Variants in FANCC observed in about 807,000 individuals in gnomAD.
FANCC encodes Fanconi anemia group C protein.
FANCC carries 55 observed loss-of-function variants against 71.3 expected under a neutral mutation model. That is an observed-to-expected ratio of 0.77 (90% CI 0.62 to 0.97). The LOEUF (loss-of-function observed/expected upper bound fraction) is 0.97. Ranked by LOEUF, FANCC falls within the 50% of genes least tolerant of loss-of-function variation. FANCC has a pLI of 0.00. For synonymous variants in FANCC, 275 were observed against 244.9 expected (o/e 1.12, Z -1.15); for missense variants, 678 against 670.9 (o/e 1.01, Z -0.12).
chr9:95,180,481 A>G (rs1246756894), intron 4 of FANCC, among the ~76,000 whole-genome samples: 1 of 151,582 alleles, frequency 6.6e-6, no homozygotes, highest in African/African-American at 2.4e-5. Context: ...CTGAGACTGA[A>G]TAAGCTGAGG....
chr9:95,237,200 C>A (rs1830368433), intron 4 of FANCC, among the ~76,000 whole-genome samples: 1 of 152,054 alleles, frequency 6.6e-6, no homozygotes, highest in African/African-American at 2.4e-5. Context: ...AACTGTTTTC[C>A]CAACCTCGCA....
At chr9:95,304,825 T>C (rs1834981080) in intron 1 of FANCC, among the ~76,000 whole-genome samples, 1 of 151,516 alleles carries the variant, frequency 6.6e-6, no homozygotes. Flanking sequence ...ATGCAGTCTG[T>C]TGTGTCCTTT....
At chr9:95,203,233 C>CA (rs924365371) in intron 4 of FANCC, among the ~76,000 whole-genome samples, 4 of 151,866 alleles carry the variant, frequency 2.6e-5, no homozygotes, top group East Asian at 1.9e-4. Flanking sequence ...CCCATCTTTA[C>CA]AAAAAAATAC....
At chr9:95,276,713 C>G (rs1462383916) in intron 1 of FANCC, among the ~76,000 whole-genome samples, 1 of 152,150 alleles carries the variant, frequency 6.6e-6, no homozygotes, top group African/African-American at 2.4e-5. Context: ...AAACATTTTC[C>G]ACGAGCTTAA....
At chr9:95,244,136 C>T (rs889896307) in intron 3 of FANCC, among the ~76,000 whole-genome samples, 10 of 152,242 alleles carry the variant, frequency 6.6e-5, no homozygotes, top group African/African-American at 2.4e-4. Flanking sequence ...TGAACTCCTA[C>T]TTTTACAAAG....
At chr9:95,140,824 G>A (rs1471033155) in intron 7 of FANCC, among the ~76,000 whole-genome samples, 2 of 152,108 alleles carry the variant, frequency 1.3e-5, no homozygotes, top group East Asian at 3.9e-4. Context: ...TCAGACAAAA[G>A]TTGCCATCAT....
At chr9:95,303,255 C>A (rs1834863558) in intron 1 of FANCC, among the ~76,000 whole-genome samples, 3 of 152,088 alleles carry the variant, frequency 2.0e-5, no homozygotes. Context: ...TTAAACGTAC[C>A]TATTGACTAT....
At chr9:95,144,140 G>T (rs566137736) in intron 7 of FANCC, among the ~76,000 whole-genome samples, 1 of 152,120 alleles carries the variant, frequency 6.6e-6, no homozygotes, top group African/African-American at 2.4e-5. Flanking sequence ...GGGGAGGGGG[G>T]GCTGGGCGCG....
At chr9:95,142,833 C>T (rs1319370336) in intron 7 of FANCC, among the ~76,000 whole-genome samples, 4 of 152,178 alleles carry the variant, frequency 2.6e-5, no homozygotes, top group Non-Finnish European at 4.4e-5. Flanking sequence ...GCTGTTTTTA[C>T]TCACAGAGCA....
intron 4 of FANCC, among the ~76,000 whole-genome samples, chr9:95,236,567 C>G (rs1388859058): frequency 6.6e-6 from 1 of 152,144 alleles, no homozygotes; most frequent in Non-Finnish European, 1.5e-5. Context: ...TGTCAAGTGT[C>G]AAACAGAATT....
At chr9:95,205,070 A>G (rs1828036044) in intron 4 of FANCC, among the ~76,000 whole-genome samples, 1 of 152,222 alleles carries the variant, frequency 6.6e-6, no homozygotes, top group Admixed American at 6.5e-5. Context: ...TTTCATGAAC[A>G]ATAACAAAAC....
chr9:95,263,784 C>CG (rs1199145645), intron 1 of FANCC, among the ~76,000 whole-genome samples: 1 of 152,094 alleles, frequency 6.6e-6, no homozygotes, highest in Non-Finnish European at 1.5e-5. Flanking sequence ...CTCGGGGACC[C>CG]TGGGCCCTCA....
At chr9:95,175,704 C>A (rs75965882) in intron 4 of FANCC, among the ~76,000 whole-genome samples, 1 of 152,318 alleles carries the variant, frequency 6.6e-6, no homozygotes, top group South Asian at 2.1e-4. Flanking sequence ...ACTGAACTTG[C>A]GAAGGCGGAG....
chr9:95,111,653 A>T lies in FANCC; in HGVS notation c.1155-16T>A. ...TCCGCAGGACCTGGAACAGAGGCAG[A>T]ACACATGGCAGTTGACAACCTAAAT... On this transcript the variant is annotated splice_polypyrimidine_tract_variant and intron_variant, in intron 12 of 14. Transcript: ENST00000289081. The T allele has an allele frequency of 6.2e-7, 1 of 1,614,116 alleles. No homozygotes were observed.
intron 1 of FANCC, among the ~76,000 whole-genome samples, chr9:95,259,240 C>T (rs144576141): frequency 0.011 from 1,716 of 152,206 alleles, 31 homozygotes; most frequent in African/African-American, 0.039. Flanking sequence ...CAAGACAATC[C>T]TAAGCAAAAA....
chr9:95,124,225 A>G (rs958429833), intron 10 of FANCC, among the ~76,000 whole-genome samples: 1 of 152,094 alleles, frequency 6.6e-6, no homozygotes, highest in African/African-American at 2.4e-5. Context: ...CTCGGAAGTC[A>G]AACTGCGGAG....
rs769998628 is a variant in FANCC at position 95,171,086 on chromosome 9, G to C, written c.514C>G (p.Gln172Glu). 1 of 1,611,476 alleles carries C rather than the reference G, an allele frequency of 6.2e-7. No individual in the cohort carries two copies. The highest frequency in any genetic ancestry group is 8.5e-7 in the Non-Finnish European group (1 of 1,177,758). Reference sequence around the variant, plus strand: ...GTTTAGTTTAACACCTACCGCCTTTGAGTGTTAAATCCATTAAGATGATTC... The same window carrying C: ...GTTTAGTTTAACACCTACCGCCTTTCAGTGTTAAATCCATTAAGATGATTC... Reference protein sequence around the residue: ...RENHLNGFNTQRRMAPERVAS... With the variant: ...RENHLNGFNTERRMAPERVAS... The change falls in exon 6 of 15, where the codon CAA (glutamine) becomes GAA (glutamate). Residue 172 changes from glutamine to glutamate, a missense_variant. Physicochemically the swap from Gln to Glu is conservative, Grantham distance 29. Transcript: ENST00000289081.
chr9:95,198,179 T>C (rs1827577214), intron 4 of FANCC, among the ~76,000 whole-genome samples: 1 of 152,148 alleles, frequency 6.6e-6, no homozygotes, highest in South Asian at 2.1e-4. Flanking sequence ...GCTACCACAA[T>C]TCACTGTCTT....
In FANCC at chr9:95,125,083, A is replaced by G; in HGVS notation, c.996+3T>C. The G allele has an allele frequency of 1.9e-6, 3 of 1,613,448 alleles. No individual in the cohort carries two copies. The highest frequency in any genetic ancestry group is 2.5e-6 in the Non-Finnish European group (3 of 1,179,354). Reference sequence around the variant, plus strand: ...AATGAGTAATATATGTGATATAACAAACCTGCTTGCTTGCTTTCTCCAGAG... The same window carrying G: ...AATGAGTAATATATGTGATATAACAGACCTGCTTGCTTGCTTTCTCCAGAG... On this transcript the variant is annotated splice_donor_region_variant and intron_variant, in intron 10 of 14. Coordinates refer to ENST00000289081, the MANE Select transcript of FANCC (RefSeq NM_000136.3).
Sources: allele counts gnomAD v4.1 joint callset (sites outside exome capture counted in the v4.1 genomes callset), GRCh38; gene constraint gnomAD v4.1.1; transcripts MANE v1.5; gene names NCBI Gene and HGNC (gene_info 2026-07-23, HGNC 2026-07-21).